The following TMEM38B variants were observed in gnomAD, a reference collection of about 807,000 sequenced individuals.
The protein encoded by TMEM38B is trimeric intracellular cation channel type B.
In TMEM38B, 24 loss-of-function variants were observed where a neutral mutation model predicts 28.7. The observed-to-expected ratio is 0.84, with a 90% CI of 0.61 to 1.18. The LOEUF (loss-of-function observed/expected upper bound fraction) is 1.18. Among genes scored for constraint, TMEM38B ranks in the 50% most tolerant of loss-of-function variants. The pLI, the probability that TMEM38B is intolerant of heterozygous loss-of-function variation, is 0.00. For synonymous variants in TMEM38B, 131 were observed against 127.7 expected, an observed-to-expected ratio of 1.03 and a Z score of -0.17; for missense variants, 380 against 350.9, an observed-to-expected ratio of 1.08 and a Z score of -0.66.
chr9:105,705,627 T>C lies in TMEM38B; in HGVS notation c.143T>C (p.Ile48Thr). 6.2e-7 allele frequency: 1 copy of C among 1,614,036 alleles called. No individual in the cohort carries two copies. Among genetic ancestry groups the C allele is most frequent in the Non-Finnish European group, 8.5e-7 (1 of 1,179,966 alleles). Reference protein sequence around the residue: ...GAAALAWKNPISSWFTAMLHC... With the variant: ...GAAALAWKNPTSSWFTAMLHC... ...GCTGCATTGGCATGGAAGAATCCTATTTCAAGCTGGTTTACTGCTATGCTC... is the reference window on the plus strand; with the variant it reads ...GCTGCATTGGCATGGAAGAATCCTACTTCAAGCTGGTTTACTGCTATGCTC... The change falls in exon 2 of 6, where the codon ATT (isoleucine) becomes ACT (threonine). Residue 48 changes from isoleucine (I) to threonine (T), a missense_variant. Ile to Thr is a moderately conservative substitution (Grantham distance 89). Coordinates refer to ENST00000374692, the MANE Select transcript of TMEM38B (RefSeq NM_018112.3).
intron 2 of TMEM38B, among the ~76,000 whole-genome samples, chr9:105,718,144 T>C (rs992331136): frequency 1.3e-5 from 2 of 152,104 alleles, no homozygotes; most frequent in African/African-American, 4.8e-5. Context: ...TCCTTAAATA[T>C]AAAAAAATTA....
chr9:105,742,907 C>T (rs895337120), intron 4 of TMEM38B, among the ~76,000 whole-genome samples: 1 of 151,984 alleles, frequency 6.6e-6, no homozygotes, highest in African/African-American at 2.4e-5. Flanking sequence ...TAATTGATAA[C>T]CATAATTTGG....
chr9:105,734,353 G>T (rs909679074), intron 4 of TMEM38B, among the ~76,000 whole-genome samples: 37 of 151,928 alleles, frequency 2.4e-4, no homozygotes, highest in South Asian at 2.1e-4. Flanking sequence ...TTGTTTTGCA[G>T]CCTAACATGT....
At chr9:105,738,192 C>T (rs947231833) in intron 4 of TMEM38B, among the ~76,000 whole-genome samples, 5 of 151,894 alleles carry the variant, frequency 3.3e-5, no homozygotes, top group South Asian at 2.1e-4. Context: ...GAACAATTCC[C>T]TCAGCTGGGC....
chr9:105,770,120 A>G (rs1041342533), intron 5 of TMEM38B, among the ~76,000 whole-genome samples: 4 of 152,210 alleles, frequency 2.6e-5, no homozygotes, highest in African/African-American at 9.6e-5. Context: ...GATGTATTGA[A>G]TAAGATGTAT....
At chr9:105,751,259 G>A (rs977160416) in intron 5 of TMEM38B, among the ~76,000 whole-genome samples, 2 of 152,202 alleles carry the variant, frequency 1.3e-5, no homozygotes, top group Non-Finnish European at 1.5e-5. Flanking sequence ...GGGGGACCAT[G>A]GCCCACCTGG....
At chr9:105,730,800 G>A (rs1481375268) in intron 4 of TMEM38B, among the ~76,000 whole-genome samples, 4 of 152,140 alleles carry the variant, frequency 2.6e-5, no homozygotes, top group Admixed American at 2.6e-4. Context: ...TTGGGAGGGT[G>A]TATGTGTCCA....
chr9:105,699,576 CTAAGGTGTGAAGGACTG>C (rs1403120331), intron 1 of TMEM38B, among the ~76,000 whole-genome samples: 1 of 152,160 alleles, frequency 6.6e-6, no homozygotes, highest in African/African-American at 2.4e-5. Context: ...TCTTTTCTGC[CTAAGGTGTGAAGGACTG>C]CATCCCATTT....
chr9:105,731,050 G>A (rs537233008), intron 4 of TMEM38B, among the ~76,000 whole-genome samples: 1 of 151,780 alleles, frequency 6.6e-6, no homozygotes, highest in African/African-American at 2.4e-5. Context: ...AGGGTTTTTT[G>A]TGTCTCTATC....
At chr9:105,710,000 T>C (rs1412154684) in intron 2 of TMEM38B, among the ~76,000 whole-genome samples, 1 of 152,206 alleles carries the variant, frequency 6.6e-6, no homozygotes, top group Non-Finnish European at 1.5e-5. Context: ...TATACGCTTA[T>C]TCATATTTAG....
chr9:105,764,199 C>G (rs1838173629), intron 5 of TMEM38B, among the ~76,000 whole-genome samples: 1 of 151,878 alleles, frequency 6.6e-6, no homozygotes, highest in Non-Finnish European at 1.5e-5. Flanking sequence ...TCTCACCACT[C>G]CTATTCAACA....
At chr9:105,764,393 A>G (rs1347918500) in intron 5 of TMEM38B, among the ~76,000 whole-genome samples, 1 of 152,190 alleles carries the variant, frequency 6.6e-6, no homozygotes, top group African/African-American at 2.4e-5. Flanking sequence ...GTCTCAGGAT[A>G]CAAAATCAAT....
At chr9:105,752,881 G>A (rs1837706322) in intron 5 of TMEM38B, among the ~76,000 whole-genome samples, 1 of 152,114 alleles carries the variant, frequency 6.6e-6, no homozygotes, top group African/African-American at 2.4e-5. Context: ...CTGAGCTAAA[G>A]GGGCATGTTC....
chr9:105,744,529 A>G (rs1837316816), intron 4 of TMEM38B, among the ~76,000 whole-genome samples: 1 of 151,656 alleles, frequency 6.6e-6, no homozygotes, highest in Admixed American at 6.6e-5. Context: ...TCCTAAGAAA[A>G]GATATTTATT....
chr9:105,703,460 G>A (rs1835525691), intron 1 of TMEM38B, among the ~76,000 whole-genome samples: 1 of 152,180 alleles, frequency 6.6e-6, no homozygotes, highest in Non-Finnish European at 1.5e-5. Flanking sequence ...TTGGACATTT[G>A]GGTTGGTTCC....
At position 105,753,181 on chromosome 9, in the gene TMEM38B, G is replaced by A. The variant is rs11506758; in HGVS notation, c.660+4991G>A. Among the ~76,000 whole-genome samples the A allele has an allele frequency of 9.6e-3, 1,458 of 152,024 alleles. 20 individuals are homozygous for A. Among genetic ancestry groups the A allele is most frequent in the African/African-American group, 0.033 (1,380 of 41,522 alleles). On this transcript the variant is annotated intron_variant, in intron 5 of 5. Coordinates refer to ENST00000374692, the MANE Select transcript of TMEM38B (RefSeq NM_018112.3). ...AAATAGGGGATTATGTAAAGAGACA[G>A]AACCTATGATTGGAGTACTTGAAAG...
chr9:105,734,290 T>C (rs1836884758), intron 4 of TMEM38B, among the ~76,000 whole-genome samples: 1 of 152,180 alleles, frequency 6.6e-6, no homozygotes, highest in East Asian at 1.9e-4. Context: ...TTTATACTAT[T>C]GTGGTCAAAA....
Position 105,755,082 on chromosome 9 carries a change from G to A in TMEM38B, c.660+6892G>A, listed in dbSNP as rs1219459153. On this transcript the variant is annotated intron_variant, in intron 5 of 5. Transcript: ENST00000374692. ...TGGACACATACACCCTTGCAAGACT[G>A]AACCAGGAAGAAGTTGAATCTCCAG... Among the ~76,000 whole-genome samples, 4 of 152,150 alleles carry A rather than the reference G, an allele frequency of 2.6e-5. No homozygotes were observed. The East Asian group carries it at 7.7e-4, about 29-fold the overall frequency.
rs1588487038 is a variant in TMEM38B, at chr9:105,774,160, T to A, written c.*80T>A. ...TATTGTGCTAATTTTTCTATGTATG[T>A]GATGTGAAATGAAGACTATATATAT... is the stretch of plus-strand genomic sequence containing the variant. On this transcript the variant is annotated 3_prime_UTR_variant, in exon 6 of 6. Coordinates refer to ENST00000374692, the MANE Select transcript of TMEM38B (RefSeq NM_018112.3). 8.6e-7 allele frequency: 1 copy of A among 1,158,692 alleles called. No individual in the cohort carries two copies. The highest frequency in any genetic ancestry group is 1.2e-6 in the Non-Finnish European group (1 of 810,236). 71.8% of individuals were successfully genotyped at this position (1,158,692 alleles called of 1,614,324 possible).
Sources: allele counts gnomAD v4.1 joint callset (sites outside exome capture counted in the v4.1 genomes callset), GRCh38; gene constraint gnomAD v4.1.1; transcripts MANE v1.5; gene names NCBI Gene and HGNC (gene_info 2026-07-23, HGNC 2026-07-21).